The following CMSS1 variants were observed in gnomAD, a reference collection of about 807,000 sequenced individuals.
CMSS1 encodes cms1 ribosomal small subunit homolog.
In CMSS1, 33 loss-of-function variants were observed where a neutral mutation model predicts 43.5. The ratio of observed to expected loss-of-function variants is 0.76; its 90% confidence interval spans 0.57 to 1.01. CMSS1 has a LOEUF of 1.01. Among genes scored for constraint, CMSS1 ranks in the 50% least tolerant of loss-of-function variants. CMSS1 has a pLI of 0.00. For missense variants in CMSS1, 313 were observed against 326.4 expected (o/e 0.96, Z 0.32); for synonymous variants, 115 against 117.2 (o/e 0.98, Z 0.12).
intron 1 of CMSS1, among the ~76,000 whole-genome samples, chr3:100,138,096 A>T (rs746457266): frequency 3.7e-4 from 57 of 152,230 alleles, no homozygotes; most frequent in Non-Finnish European, 6.6e-4. Flanking sequence ...TGGGGAAATG[A>T]TCTCCTATTC....
At chr3:99,919,581 G>T (rs893514600) in intron 1 of CMSS1, among the ~76,000 whole-genome samples, 1 of 151,614 alleles carries the variant, frequency 6.6e-6, no homozygotes, top group Non-Finnish European at 1.5e-5. Flanking sequence ...TTTCAAGGAG[G>T]TTTCCAAATC....
At chr3:99,996,502 C>T (rs905157348) in intron 1 of CMSS1, among the ~76,000 whole-genome samples, 26 of 152,252 alleles carry the variant, frequency 1.7e-4, no homozygotes, top group African/African-American at 5.3e-4. Flanking sequence ...TCCACATTTT[C>T]GGGTATCTTT....
At chr3:99,842,817 T>C (rs1295475244) in intron 1 of CMSS1, among the ~76,000 whole-genome samples, 2 of 152,224 alleles carry the variant, frequency 1.3e-5, no homozygotes, top group African/African-American at 4.8e-5. Flanking sequence ...TTGACAGATT[T>C]GTAAGTGCTC....
At chr3:100,089,996 C>G (rs929395151) in intron 1 of CMSS1, among the ~76,000 whole-genome samples, 4 of 152,172 alleles carry the variant, frequency 2.6e-5, no homozygotes, top group Admixed American at 1.3e-4. Flanking sequence ...CCTACTCCCC[C>G]GCAACTGCAA....
intron 2 of CMSS1, among the ~76,000 whole-genome samples, chr3:100,156,299 C>CTTTTTTTTTTTTTT (rs34413816): frequency 4.1e-5 from 3 of 73,114 alleles, no homozygotes; most frequent in Non-Finnish European, 5.2e-5. Flanking sequence ...AATTTTTTTT[C>CTTTTTTTTTTTTTT]TTTTTTTTTT....
At chr3:99,818,550 T>A (rs190780384) in intron 1 of CMSS1, among the ~76,000 whole-genome samples, 3 of 152,254 alleles carry the variant, frequency 2.0e-5, no homozygotes, top group African/African-American at 7.2e-5. Flanking sequence ...TAATGCACTT[T>A]AGCATAGTGC....
intron 4 of CMSS1, among the ~76,000 whole-genome samples, chr3:100,164,130 A>G (rs951381932): frequency 6.6e-6 from 1 of 152,312 alleles, no homozygotes; most frequent in East Asian, 1.9e-4. Flanking sequence ...GACAGTTCCA[A>G]TAGCAGTTAT....
chr3:100,062,312 C>T (rs993312729), intron 1 of CMSS1, among the ~76,000 whole-genome samples: 1 of 151,600 alleles, frequency 6.6e-6, no homozygotes, highest in Non-Finnish European at 1.5e-5. Flanking sequence ...GAGGTTTCAC[C>T]GTGTTAGCCA....
intron 1 of CMSS1, among the ~76,000 whole-genome samples, chr3:100,118,700 A>G (rs1016512674): frequency 3.3e-5 from 5 of 152,168 alleles, no homozygotes; most frequent in African/African-American, 1.2e-4. Flanking sequence ...GTTAACTTTC[A>G]AAAGTTGACC....
chr3:99,948,594 GAA>G (rs1402968084), intron 1 of CMSS1, among the ~76,000 whole-genome samples: 2 of 144,440 alleles, frequency 1.4e-5, no homozygotes, highest in South Asian at 2.3e-4. Context: ...GAGGGAGAGA[GAA>G]AGAGAGGGGA....
At chr3:99,988,918 G>C (rs1303618838) in intron 1 of CMSS1, among the ~76,000 whole-genome samples, 1 of 152,108 alleles carries the variant, frequency 6.6e-6, no homozygotes, top group Non-Finnish European at 1.5e-5. Context: ...GGAGTAATTG[G>C]GAACTTTCTG....
chr3:99,919,295 C>G (rs1419884374), intron 1 of CMSS1, among the ~76,000 whole-genome samples: 3 of 151,522 alleles, frequency 2.0e-5, no homozygotes, highest in Admixed American at 6.6e-5. Context: ...GTCATGAACT[C>G]ATAATGCCTT....
chr3:100,009,221 AT>A (rs1380035265), intron 1 of CMSS1, among the ~76,000 whole-genome samples: 1 of 152,168 alleles, frequency 6.6e-6, no homozygotes, highest in Non-Finnish European at 1.5e-5. Flanking sequence ...AAATTCTTGG[AT>A]TTTAACCTAC....
chr3:99,822,680 C>T (rs1002160670), intron 1 of CMSS1, among the ~76,000 whole-genome samples: 3 of 151,940 alleles, frequency 2.0e-5, no homozygotes, highest in Non-Finnish European at 2.9e-5. Context: ...TGCAGTGAGC[C>T]GAGGTCGTGC....
intron 1 of CMSS1, among the ~76,000 whole-genome samples, chr3:99,869,336 G>A (rs1025441422): frequency 6.6e-6 from 1 of 152,140 alleles, no homozygotes; most frequent in Non-Finnish European, 1.5e-5. Flanking sequence ...TTTGGGGGGA[G>A]ATTAGTGGAG....
At chr3:100,111,848 A>G (rs2066496349) in intron 1 of CMSS1, among the ~76,000 whole-genome samples, 1 of 152,210 alleles carries the variant, frequency 6.6e-6, no homozygotes, top group Non-Finnish European at 1.5e-5. Flanking sequence ...GTGTTTTCTA[A>G]TTCAATTATT....
chr3:100,156,706 C>T (rs1487080833), intron 2 of CMSS1, among the ~76,000 whole-genome samples: 8 of 152,092 alleles, frequency 5.3e-5, no homozygotes, highest in Non-Finnish European at 1.2e-4. Context: ...AGCTCCGCTT[C>T]CCGGGTTCAC....
At chr3:99,960,448 C>T (rs1219535186) in intron 1 of CMSS1, among the ~76,000 whole-genome samples, 1 of 152,188 alleles carries the variant, frequency 6.6e-6, no homozygotes, top group South Asian at 2.1e-4. Context: ...TCCCTACCCA[C>T]AGGGGAAAAA....
intron 1 of CMSS1, among the ~76,000 whole-genome samples, chr3:99,932,039 G>A (rs977559871): frequency 1.3e-5 from 2 of 152,076 alleles, no homozygotes; most frequent in African/African-American, 4.8e-5. Context: ...GTCCAGAAAA[G>A]TATAGAAACC....
Sources: gnomAD v4.1 joint callset for allele counts (sites outside exome capture counted in the v4.1 genomes callset) on GRCh38, gnomAD v4.1.1 for gene constraint, MANE v1.5 for transcripts, NCBI Gene and HGNC (gene_info 2026-07-23, HGNC 2026-07-21) for gene names.